AMOT: variants seen among roughly 807,000 people sequenced by gnomAD.
The protein encoded by AMOT is angiomotin.
Under a neutral mutation model 67.0 loss-of-function variants are expected in AMOT, and 11 were observed. The observed-to-expected ratio is 0.16, with a 90% CI of 0.10 to 0.27. AMOT has a LOEUF of 0.27. Ranked by LOEUF, AMOT falls within the 10% of genes least tolerant of loss-of-function variation. The pLI is 1.00. For synonymous variants in AMOT, 326 were observed against 321.4 expected, an observed-to-expected ratio of 1.01 and a Z score of -0.15; for missense variants, 753 against 852.0, an observed-to-expected ratio of 0.88 and a Z score of 1.45.
Position 112,782,665 on chromosome X carries a change from G to A in AMOT, c.2118-3C>T. The A allele has an allele frequency of 8.3e-7, 1 of 1,206,314 alleles. No individual in the cohort carries two copies. The highest frequency in any genetic ancestry group is 1.8e-5 in the South Asian group (1 of 55,876). On this transcript the variant is annotated splice_region_variant and splice_polypyrimidine_tract_variant and intron_variant, in intron 10 of 13. Transcript: ENST00000371959. ...AGTGACTGATGACTGTTGTGTCCCT[G>A]GGGAGGAAAATGGAAGTGATGAGAT... is the stretch of plus-strand genomic sequence containing the variant.
At chrX:112,840,350 A>G (rs751408865) in intron 1 of AMOT, 102 bp downstream of exon 1, 2 of 112,438 alleles carry the variant, frequency 1.8e-5, no homozygotes, top group African/African-American at 6.5e-5. Context: ...GCATTCCCAC[A>G]CGCGCCTAGA....
chrX:112,819,601 T>C lies in AMOT; in HGVS notation c.872+2654A>G, dbSNP rs894786977. Among the ~76,000 whole-genome samples the C allele has an allele frequency of 4.4e-5, 5 of 112,386 alleles. No individual in the cohort carries two copies. In the South Asian group the frequency reaches 1.1e-3, roughly 25 times the overall value. On this transcript the variant is annotated intron_variant, in intron 4 of 13. Transcript: ENST00000371959. Reference sequence around the variant, plus strand: ...GTATAAACCCAGGATGCAGAAAAGGTTCAGCACTTAGAAAGACAAAGATTC... The same window carrying C: ...GTATAAACCCAGGATGCAGAAAAGGCTCAGCACTTAGAAAGACAAAGATTC...
At chrX:112,799,830 A>G (rs758847646) in intron 8 of AMOT, among the ~76,000 whole-genome samples, 1 of 112,568 alleles carries the variant, frequency 8.9e-6, no homozygotes, top group East Asian at 2.8e-4. Flanking sequence ...CAAAAGCCAA[A>G]ATCATAGGAA....
At chrX:112,792,171 A>C (rs762438369) in intron 8 of AMOT, among the ~76,000 whole-genome samples, 190 bp from the exon 9 acceptor site, 1 of 112,368 alleles carries the variant, frequency 8.9e-6, no homozygotes, top group East Asian at 2.8e-4. Context: ...GCTCATAAAG[A>C]GAATGTGAAG....
At chrX:112,783,884 C>T (rs1316132648) in intron 10 of AMOT, among the ~76,000 whole-genome samples, 1 of 110,711 alleles carries the variant, frequency 9.0e-6, no homozygotes, top group Non-Finnish European at 1.9e-5. Context: ...GGCATGTTTT[C>T]TGTTGGGAGC....
intron 2 of AMOT, among the ~76,000 whole-genome samples, chrX:112,828,872 C>T (rs767991640): frequency 3.6e-5 from 4 of 112,534 alleles, no homozygotes; most frequent in East Asian, 2.8e-4. Context: ...CCTGCTTTAA[C>T]GCTACCACTG....
chrX:112,808,788 T>C (rs190542517), intron 7 of AMOT, among the ~76,000 whole-genome samples: 147 of 111,932 alleles, frequency 1.3e-3, no homozygotes, highest in Middle Eastern at 4.6e-3. Flanking sequence ...AGAGCAACTG[T>C]GATACCACAA....
In AMOT at chrX:112,775,821, C is replaced by G. The variant is rs1932928250; in HGVS notation, c.*2746G>C. 1 of 111,877 alleles carries G rather than the reference C, an allele frequency of 8.9e-6. No individual in the cohort carries two copies. The highest frequency in any genetic ancestry group is 9.5e-5 in the Admixed American group (1 of 10,473). 9.2% of individuals were successfully genotyped at this position (111,877 alleles called of 1,213,427 possible). On this transcript the variant is annotated 3_prime_UTR_variant, in exon 14 of 14. Transcript: ENST00000371959. Reference sequence around the variant, plus strand: ...ACCAAGCAGTACAAGCTAAGACAACCTGGTCACCCTCCTTTCCTGAGGTGC... The same window carrying G: ...ACCAAGCAGTACAAGCTAAGACAACGTGGTCACCCTCCTTTCCTGAGGTGC...
chrX:112,775,749 T>C lies in AMOT; in HGVS notation c.*2818A>G, dbSNP rs2147769929. ...AGTTTGTTCTAATGAAGTTTTTCTATACATGGAACACTGGGGTACAACTGA... is the reference window on the plus strand; with the variant it reads ...AGTTTGTTCTAATGAAGTTTTTCTACACATGGAACACTGGGGTACAACTGA... On this transcript the variant is annotated 3_prime_UTR_variant, in exon 14 of 14. Coordinates refer to ENST00000371959, the MANE Select transcript of AMOT (RefSeq NM_001113490.2). The C allele has an allele frequency of 8.9e-6, 1 of 112,491 alleles. No homozygotes were observed. The highest frequency in any genetic ancestry group is 3.7e-4 in the South Asian group (1 of 2,696). 9.3% of individuals were successfully genotyped at this position (112,491 alleles called of 1,213,427 possible).
At chrX:112,829,570 C>T (rs1413236042) in intron 2 of AMOT, among the ~76,000 whole-genome samples, 1 of 112,145 alleles carries the variant, frequency 8.9e-6, no homozygotes, top group East Asian at 2.8e-4. Flanking sequence ...GCTTAATACA[C>T]TCTATTGCAA....
intron 11 of AMOT, 58 bp downstream of exon 11, chrX:112,782,482 C>A: frequency 8.3e-7 from 1 of 1,200,390 alleles, no homozygotes; most frequent in Non-Finnish European, 1.1e-6. Flanking sequence ...GAATAAAGAT[C>A]CTATGTGGTC....
chrX:112,810,843 C>A (rs990164498), intron 6 of AMOT, among the ~76,000 whole-genome samples: 1 of 111,224 alleles, frequency 9.0e-6, no homozygotes, highest in African/African-American at 3.3e-5. Context: ...AGGTGAAAGT[C>A]AAAAATAAAA....
chrX:112,810,000 A>G lies in AMOT; in HGVS notation c.1538-14T>C, dbSNP rs1377010230. 8.4e-7 allele frequency: 1 copy of G among 1,186,327 alleles called. No homozygotes were observed. The highest frequency in any genetic ancestry group is 1.1e-6 in the Non-Finnish European group (1 of 873,673). On this transcript the variant is annotated splice_polypyrimidine_tract_variant and intron_variant, in intron 6 of 13. Coordinates refer to ENST00000371959, the MANE Select transcript of AMOT (RefSeq NM_001113490.2). ...TCTCTAGACGCTCTGTGAAATTTGG[A>G]GACAATCAACAGGGTCTCAAATGTA...
Position 112,779,046 on chromosome X carries a change from T to A in AMOT, c.3108A>T (p.Gly1036=). Residue 1036 remains glycine, a synonymous_variant, in exon 13 of 14, where the codon GGA becomes GGT. Coordinates refer to ENST00000371959, the MANE Select transcript of AMOT (RefSeq NM_001113490.2). ...EVPASPATGP[G]PHRLSIPSLT... ...AACTTGGTATAGACAAACGATGTGG[T>A]CCAGGACCGGTAGCTGGACTTGCAG... is the stretch of plus-strand genomic sequence containing the variant. 1 of 1,210,424 alleles carries A rather than the reference T, an allele frequency of 8.3e-7. No homozygotes were observed. The highest frequency in any genetic ancestry group is 1.1e-6 in the Non-Finnish European group (1 of 894,739).
intron 12 of AMOT, 128 bp from the exon 13 acceptor site, chrX:112,779,808 AAT>A: frequency 7.6e-6 from 2 of 264,138 alleles, no homozygotes; most frequent in East Asian, 1.4e-4. Context: ...ATATTATTTA[AAT>A]ATTTAAAATA....
intron 3 of AMOT, 105 bp from the exon 4 acceptor site, chrX:112,823,293 A>G (rs1014805896): frequency 6.1e-6 from 3 of 489,739 alleles, no homozygotes; most frequent in South Asian, 7.8e-5. Flanking sequence ...TTGCAGAAAC[A>G]AAGTAGAGAA....
chrX:112,789,029 T>C (rs1394281185), intron 10 of AMOT, among the ~76,000 whole-genome samples: 1 of 111,848 alleles, frequency 8.9e-6, no homozygotes, highest in African/African-American at 3.3e-5. Flanking sequence ...CTCTCCTGCA[T>C]TTTGACCTGG....
At position 112,805,096 on chromosome X, in the gene AMOT, T is replaced by C; in HGVS notation, c.1631-4A>G. 1 of 1,211,185 alleles carries C rather than the reference T, an allele frequency of 8.3e-7. No homozygotes were observed. Among genetic ancestry groups the C allele is most frequent in the Admixed American group, 2.2e-5 (1 of 45,950 alleles). Reference sequence around the variant, plus strand: ...TTCTCACGCTGGCTTTCTTTATCTGTCAGGACATTAAACATCAACACTGCC... The same window carrying C: ...TTCTCACGCTGGCTTTCTTTATCTGCCAGGACATTAAACATCAACACTGCC... On this transcript the variant is annotated splice_region_variant and splice_polypyrimidine_tract_variant and intron_variant, in intron 7 of 13. Transcript: ENST00000371959.
At chrX:112,819,551 T>A in intron 4 of AMOT, 1 of 237,026 alleles carries the variant, frequency 4.2e-6, no homozygotes, top group Non-Finnish European at 6.0e-6. Context: ...AGAAATGATT[T>A]AATTTTTAAA....
Sources: allele counts gnomAD v4.1 joint callset (sites outside exome capture counted in the v4.1 genomes callset), GRCh38; gene constraint gnomAD v4.1.1; transcripts MANE v1.5; gene names NCBI Gene and HGNC (gene_info 2026-07-23, HGNC 2026-07-21).